The following ERC1 variants were observed in gnomAD, a reference collection of about 807,000 sequenced individuals.
ERC1 encodes RAB6 interacting protein 2.
A neutral mutation model predicts 132.0 loss-of-function variants in ERC1; 56 were observed. The observed-to-expected ratio is 0.42, with a 90% CI of 0.34 to 0.53. The LOEUF is 0.53. Ranked by LOEUF, ERC1 falls within the 20% of genes least tolerant of loss-of-function variation. ERC1 has a pLI of 0.03. For synonymous variants in ERC1, 478 were observed against 476.1 expected (o/e 1.00, Z -0.05); for missense variants, 1,202 against 1,349.9 (o/e 0.89, Z 1.72).
chr12:1,454,299 C>G (rs1444060930), intron 18 of ERC1, among the ~76,000 whole-genome samples: 1 of 152,184 alleles, frequency 6.6e-6, no homozygotes, highest in Non-Finnish European at 1.5e-5. Context: ...TTTGTGTTAT[C>G]CTTTGAAATA....
chr12:1,308,849 A>G (rs1249266727), intron 15 of ERC1, among the ~76,000 whole-genome samples: 1 of 152,072 alleles, frequency 6.6e-6, no homozygotes, highest in Non-Finnish European at 1.5e-5. Context: ...GTCCCCCCAA[A>G]ATTCATGTGT....
intron 15 of ERC1, among the ~76,000 whole-genome samples, chr12:1,294,154 T>C (rs1032371800): frequency 2.6e-5 from 4 of 152,222 alleles, no homozygotes; most frequent in Admixed American, 6.5e-5. Flanking sequence ...TCTGCCCTGA[T>C]ATTCAGTGCT....
At chr12:1,249,064 T>C (rs1053019673) in intron 13 of ERC1, among the ~76,000 whole-genome samples, 3 of 152,088 alleles carry the variant, frequency 2.0e-5, no homozygotes, top group Non-Finnish European at 4.4e-5. Context: ...TTTTTTCTTC[T>C]TATTTTAAGT....
intron 18 of ERC1, among the ~76,000 whole-genome samples, chr12:1,452,696 A>C (rs2093450690): frequency 6.6e-6 from 1 of 152,180 alleles, no homozygotes; most frequent in African/African-American, 2.4e-5. Context: ...ATCTATACTT[A>C]AGTTCACTTT....
chr12:1,298,228 TAAC>T (rs1339591789), intron 15 of ERC1, among the ~76,000 whole-genome samples: 1 of 152,072 alleles, frequency 6.6e-6, no homozygotes, highest in African/African-American at 2.4e-5. Context: ...ACCAAAATAA[TAAC>T]AACAAAAATT....
At chr12:1,255,825 G>T (rs1452235238) in intron 13 of ERC1, among the ~76,000 whole-genome samples, 1 of 150,758 alleles carries the variant, frequency 6.6e-6, no homozygotes, top group East Asian at 1.9e-4. Context: ...TTTTTTAGTA[G>T]AGACGGGGTT....
At chr12:1,309,707 A>C (rs1215772161) in intron 15 of ERC1, among the ~76,000 whole-genome samples, 5 of 134,408 alleles carry the variant, frequency 3.7e-5, no homozygotes, top group African/African-American at 1.4e-4. Context: ...CATTATGTGC[A>C]CTCTGACTTT....
At chr12:1,179,666 C>T (rs1372033777) in intron 8 of ERC1, among the ~76,000 whole-genome samples, 1 of 151,872 alleles carries the variant, frequency 6.6e-6, no homozygotes, top group African/African-American at 2.4e-5. Context: ...CGCCACTACG[C>T]CCGGCTAATT....
At chr12:1,004,942 T>C (rs1304813545) in intron 1 of ERC1, among the ~76,000 whole-genome samples, 1 of 152,062 alleles carries the variant, frequency 6.6e-6, no homozygotes, top group African/African-American at 2.4e-5. Context: ...ATTTAACTTC[T>C]GATTCATCAT....
At chr12:1,091,257 T>C (rs1943180357) in intron 3 of ERC1, among the ~76,000 whole-genome samples, 1 of 152,198 alleles carries the variant, frequency 6.6e-6, no homozygotes, top group Non-Finnish European at 1.5e-5. Context: ...TGGAATGCTG[T>C]GCATCAGCAC....
chr12:1,138,992 T>C lies in ERC1; in HGVS notation c.1570-2628T>C, dbSNP rs564354504. Among the ~76,000 whole-genome samples the C allele has an allele frequency of 5.3e-5, 8 of 152,296 alleles. No individual in the cohort carries two copies. In the South Asian group the frequency reaches 6.2e-4, roughly 12 times the overall value. Reference sequence around the variant, plus strand: ...CATTGCCGTGAGAGAGTGTGAAGTTTCCTGCAGGGAGAATGCAAGGGAAGA... The same window carrying C: ...CATTGCCGTGAGAGAGTGTGAAGTTCCCTGCAGGGAGAATGCAAGGGAAGA... On this transcript the variant is annotated intron_variant, in intron 7 of 18. Coordinates refer to ENST00000360905, the MANE Select transcript of ERC1 (RefSeq NM_178040.4).
intron 1 of ERC1, among the ~76,000 whole-genome samples, chr12:1,021,202 A>G (rs928683122): frequency 6.6e-6 from 1 of 151,910 alleles, no homozygotes; most frequent in African/African-American, 2.4e-5. Context: ...CAGCCTCCCA[A>G]AGTGCTGGGG....
intron 12 of ERC1, chr12:1,190,301 T>G: frequency 1.8e-6 from 1 of 566,398 alleles, no homozygotes. Context: ...AAAAAGAGAG[T>G]ATTCATTAAT....
intron 7 of ERC1, among the ~76,000 whole-genome samples, chr12:1,137,927 AT>A (rs560451575): frequency 0.035 from 4,885 of 140,262 alleles, 124 homozygotes; most frequent in Non-Finnish European, 0.053. Flanking sequence ...TATAATACAT[AT>A]TATATAATAT....
chr12:1,302,099 C>T (rs930643609), intron 15 of ERC1, among the ~76,000 whole-genome samples: 2 of 152,118 alleles, frequency 1.3e-5, no homozygotes, highest in African/African-American at 4.8e-5. Flanking sequence ...ATAAAAGTCC[C>T]TAACAAAACC....
intron 16 of ERC1, among the ~76,000 whole-genome samples, chr12:1,397,665 A>G (rs1025087221): frequency 4.6e-5 from 7 of 152,344 alleles, no homozygotes; most frequent in African/African-American, 1.7e-4. Flanking sequence ...AAGACAAATC[A>G]AAAATTTACC....
At chr12:1,049,926 A>G (rs1971651594) in intron 2 of ERC1, among the ~76,000 whole-genome samples, 1 of 151,986 alleles carries the variant, frequency 6.6e-6, no homozygotes, top group African/African-American at 2.4e-5. Context: ...TATTTTTAGT[A>G]GAGACAGGGT....
chr12:1,248,483 C>T (rs898536147), intron 13 of ERC1, among the ~76,000 whole-genome samples: 2 of 151,868 alleles, frequency 1.3e-5, no homozygotes, highest in African/African-American at 2.4e-5. Flanking sequence ...CTGAAAAAGC[C>T]TTATAAAAAG....
rs370599610 is a variant in ERC1 at position 1,121,741 on chromosome 12, A to ATCTATCTCTATC, written c.1569+5722_1569+5733dup. Reference sequence around the variant, plus strand: ...TATCTCTATCTCTATCTCTATCTCTATCTATCTCTATCTCTATCTCTATCT... The same window carrying ATCTATCTCTATC: ...TATCTCTATCTCTATCTCTATCTCTATCTATCTCTATCTCTATCTCTATCTCTATCTCTATCT... On this transcript the variant is annotated intron_variant, in intron 7 of 18. Coordinates refer to ENST00000360905, the MANE Select transcript of ERC1 (RefSeq NM_178040.4). Among the ~76,000 whole-genome samples, 3 of 5,192 alleles carry ATCTATCTCTATC rather than the reference A, an allele frequency of 5.8e-4. 1 individual carries two copies. Among genetic ancestry groups the ATCTATCTCTATC allele is most frequent in the African/African-American group, 1.1e-3 (3 of 2,842 alleles). The allele number at this position is 5,192 out of a possible 152,430, so 3.4% of individuals were successfully genotyped here.
Sources: allele counts gnomAD v4.1 joint callset (sites outside exome capture counted in the v4.1 genomes callset), GRCh38; gene constraint gnomAD v4.1.1; transcripts MANE v1.5; gene names NCBI Gene and HGNC (gene_info 2026-07-23, HGNC 2026-07-21).